GAK: variants seen among roughly 807,000 people sequenced by gnomAD.
The protein encoded by GAK is cyclin G associated kinase.
GAK carries 79 observed loss-of-function variants against 143.9 expected under a neutral mutation model. The ratio of observed to expected loss-of-function variants is 0.55; its 90% CI spans 0.46 to 0.66. GAK has a LOEUF of 0.66. Ranked by LOEUF, GAK falls within the 30% of genes least tolerant of loss-of-function variation. GAK has a pLI of 0.00. For synonymous variants in GAK, 881 were observed against 765.5 expected (o/e 1.15, Z -2.49); for missense variants, 1,693 against 1,779.7 (o/e 0.95, Z 0.88).
At chr4:885,303 C>T (rs571620091) in intron 11 of GAK, among the ~76,000 whole-genome samples, 3 of 152,178 alleles carry the variant, frequency 2.0e-5, no homozygotes, top group Non-Finnish European at 4.4e-5. Flanking sequence ...GGGCCAGGTG[C>T]GGTGGCTCAT....
chr4:865,625 G>A (rs1185645161), intron 22 of GAK, among the ~76,000 whole-genome samples: 1 of 152,234 alleles, frequency 6.6e-6, no homozygotes. Flanking sequence ...GCCTTCGGCA[G>A]ACAGAGGGCC....
intron 4 of GAK, among the ~76,000 whole-genome samples, chr4:905,748 G>C (rs1453066855): frequency 6.6e-6 from 1 of 152,054 alleles, no homozygotes; most frequent in African/African-American, 2.4e-5. Flanking sequence ...CCACACCCCA[G>C]GCCACGTTAC....
At chr4:885,831 A>G (rs1406868226) in intron 11 of GAK, 1 of 152,128 alleles carries the variant, frequency 6.6e-6, no homozygotes, top group Non-Finnish European at 1.5e-5. Context: ...CAGTGGCACA[A>G]TCACAACTCA....
intron 2 of GAK, 66 bp from the exon 3 acceptor site, chr4:912,860 T>C: frequency 1.5e-6 from 2 of 1,350,208 alleles, no homozygotes; most frequent in Non-Finnish European, 2.1e-6. Flanking sequence ...ACCCGATGCA[T>C]CATCTCAGAC....
chr4:931,889 G>A (rs1228726315), intron 1 of GAK, among the ~76,000 whole-genome samples, 154 bp downstream of exon 1: 1 of 151,878 alleles, frequency 6.6e-6, no homozygotes, highest in Non-Finnish European at 1.5e-5. Context: ...CACGCCCTCG[G>A]CAGAGACCCT....
At chr4:865,305 G>A (rs902791687) in intron 22 of GAK, 61 bp from the exon 23 acceptor site, 141 of 1,605,718 alleles carry the variant, frequency 8.8e-5, no homozygotes, top group Non-Finnish European at 9.4e-5. Flanking sequence ...CAAATGTGGC[G>A]GGGCGCCAGG....
At position 898,446 on chromosome 4, in the gene GAK, T is replaced by C. The variant is rs868012403; in HGVS notation, c.526-288A>G. On this transcript the variant is annotated intron_variant, in intron 5 of 27. Transcript: ENST00000314167. ...GAGGGATTTCACAGAGTTCAGTAAATGAGCCTTCCTCAAAGATGTCTTAAA... is the reference window on the plus strand; with the variant it reads ...GAGGGATTTCACAGAGTTCAGTAAACGAGCCTTCCTCAAAGATGTCTTAAA... Among the ~76,000 whole-genome samples the C allele has an allele frequency of 3.9e-5, 6 of 152,370 alleles. No homozygotes were observed. In the South Asian group the frequency reaches 1.2e-3, roughly 32 times the overall value.
chr4:925,260 T>C (rs775670009), intron 1 of GAK, among the ~76,000 whole-genome samples: 3 of 151,682 alleles, frequency 2.0e-5, no homozygotes, highest in Non-Finnish European at 4.4e-5. Context: ...GACACTAGAG[T>C]CTGGTGCCCC....
rs62295558 is a variant in GAK at position 867,518 on chromosome 4, C to T, written c.2396-86G>A. On this transcript the variant is annotated intron_variant, in intron 20 of 27. Transcript: ENST00000314167. Reference sequence around the variant, plus strand: ...ACGGCGCGTCCCTTCAGGGCCTCCTCGGCCCAGGGCCTTGGTGAACACACG... The same window carrying T: ...ACGGCGCGTCCCTTCAGGGCCTCCTTGGCCCAGGGCCTTGGTGAACACACG... 7,685 of 781,014 alleles carry T rather than the reference C, an allele frequency of 9.8e-3. 94 individuals are homozygous for T. Among genetic ancestry groups the T allele is most frequent in the Non-Finnish European group, 0.011 (5,442 of 488,402 alleles). 48.4% of individuals were successfully genotyped at this position (781,014 alleles called of 1,614,324 possible). A position where few individuals can be genotyped will look rare whatever the true frequency, so the allele number is the denominator to read the frequency against.
chr4:905,606 G>A (rs922201120), intron 4 of GAK, among the ~76,000 whole-genome samples: 9 of 146,492 alleles, frequency 6.1e-5, no homozygotes, highest in Non-Finnish European at 1.0e-4. Flanking sequence ...TACGGACTCC[G>A]CCAAACCAGG....
At chr4:907,243 C>T (rs1378269711) in intron 4 of GAK, among the ~76,000 whole-genome samples, 1 of 152,226 alleles carries the variant, frequency 6.6e-6, no homozygotes, top group Non-Finnish European at 1.5e-5. Flanking sequence ...CCACCTGCAC[C>T]CAGCTGAGGG....
chr4:884,952 C>T (rs1715975188), intron 11 of GAK, among the ~76,000 whole-genome samples: 1 of 152,348 alleles, frequency 6.6e-6, no homozygotes, highest in Non-Finnish European at 1.5e-5. Flanking sequence ...CTGAAAGTGA[C>T]CATGCGTTCA....
chr4:912,287 G>A (rs567337257), intron 3 of GAK: 13 of 403,472 alleles, frequency 3.2e-5, no homozygotes, highest in African/African-American at 2.2e-4. Context: ...CTCTGTCAGC[G>A]CCGGGAGATG....
At chr4:887,497 T>C (rs1716696076) in intron 11 of GAK, 2 of 142,074 alleles carry the variant, frequency 1.4e-5, no homozygotes, top group East Asian at 2.2e-4. Context: ...TGTGCATGCG[T>C]ACACATGCAT....
intron 18 of GAK, among the ~76,000 whole-genome samples, chr4:876,305 A>C (rs763125749): frequency 3.3e-5 from 5 of 152,158 alleles, no homozygotes; most frequent in African/African-American, 4.8e-5. Flanking sequence ...GCTAAATTCT[A>C]ACAGACACAC....
At chr4:913,473 CA>C in intron 2 of GAK, 133 bp downstream of exon 2, 1 of 718,348 alleles carries the variant, frequency 1.4e-6, no homozygotes, top group Non-Finnish European at 2.4e-6. Context: ...TCAGCAGAAG[CA>C]AAAGGGACAA....
At chr4:849,831 A>AGGGG in intron 27 of GAK, 57 bp from the exon 28 acceptor site, 5 of 999,028 alleles carry the variant, frequency 5.0e-6, no homozygotes, top group Non-Finnish European at 7.2e-6. Context: ...CGGGCGGGGC[A>AGGGG]GGACCCCCCC....
In GAK at chr4:850,825, G is replaced by A. The variant is rs1171681107; in HGVS notation, c.3657+111C>T. 12 of 1,213,566 alleles carry A rather than the reference G, an allele frequency of 9.9e-6. No homozygotes were observed. The Admixed American group carries it at 2.9e-4, about 29-fold the overall frequency. 75.2% of individuals were successfully genotyped at this position (1,213,566 alleles called of 1,614,324 possible). A position where few individuals can be genotyped will look rare whatever the true frequency, so the allele number is the denominator to read the frequency against. On this transcript the variant is annotated intron_variant, in intron 26 of 27. Transcript: ENST00000314167. The stretch of plus-strand genomic sequence containing the variant: ...TCCATGTGGTACAGCAGATGCTCCA[G>A]GGGTGAAAGGTTGCTGTCTGGAGAC...
intron 18 of GAK, among the ~76,000 whole-genome samples, chr4:875,486 C>T (rs577636415): frequency 7.9e-5 from 12 of 152,360 alleles, no homozygotes; most frequent in African/African-American, 2.6e-4. Context: ...GTGCAGAGTC[C>T]GCCAGCATCC....
Sources: allele counts gnomAD v4.1 joint callset (sites outside exome capture counted in the v4.1 genomes callset), GRCh38; gene constraint gnomAD v4.1.1; transcripts MANE v1.5; gene names NCBI Gene and HGNC (gene_info 2026-07-23, HGNC 2026-07-21).